HOXC5: variants seen among roughly 807,000 people sequenced by gnomAD.
The protein encoded by HOXC5 is homeobox C5.
In HOXC5, 19 loss-of-function variants were observed where a neutral mutation model predicts 20.1. The ratio of observed to expected loss-of-function variants is 0.94; its 90% CI spans 0.66 to 1.38. The LOEUF is 1.38. Among genes scored for constraint, HOXC5 ranks in the 40% most tolerant of loss-of-function variants. HOXC5 has a pLI of 0.00. For missense variants in HOXC5, 330 were observed against 300.1 expected, an observed-to-expected ratio of 1.10 and a Z score of -0.74; for synonymous variants, 124 against 117.0, an observed-to-expected ratio of 1.06 and a Z score of -0.39.
At position 54,033,098 on chromosome 12, in the gene HOXC5, G is replaced by A. The variant is rs764709425; in HGVS notation, c.-25G>A. 1.9e-6 allele frequency: 3 copies of A among 1,587,916 alleles called. No individual in the cohort carries two copies. The highest frequency in any genetic ancestry group is 2.2e-5 in the South Asian group (2 of 89,324). ...ATCACCCTTAATCAAAAAGGGTGCAGAAATTTTTTTGGGCCCTCCCCGCCA... is the reference window on the plus strand; with the variant it reads ...ATCACCCTTAATCAAAAAGGGTGCAAAAATTTTTTTGGGCCCTCCCCGCCA... On this transcript the variant is annotated 5_prime_UTR_variant, in exon 1 of 2. Coordinates refer to ENST00000312492, the MANE Select transcript of HOXC5 (RefSeq NM_018953.4).
upstream of HOXC5, chr12:54,028,707 G>A (rs1318210714): frequency 2.5e-6 from 4 of 1,614,074 alleles, no homozygotes; most frequent in Non-Finnish European, 3.4e-6. Flanking sequence ...AGAATGTCGT[G>A]TTCAGTTCCA....
At chr12:54,026,341 C>G in the HOXC5 span, among the ~76,000 whole-genome samples, 1 of 152,234 alleles carries the variant, frequency 6.6e-6, no homozygotes. Flanking sequence ...CTGTTGGAAA[C>G]CTCTGCTCAG....
chr12:54,033,458 T>A lies in HOXC5; in HGVS notation c.336T>A (p.Ala112=), dbSNP rs1387664064. The part of the protein sequence containing the change: ...KAARPALEER[A]KSSGEIKEEQ... ...CTCGCCCGGCGCTGGAGGAGCGAGC[T>A]AAGAGCAGTGGGGAGATCAAAGAGG... The change falls in exon 1 of 2, where the codon GCT becomes GCA. Residue 112 remains alanine (A), a synonymous_variant. Coordinates refer to ENST00000312492, the MANE Select transcript of HOXC5 (RefSeq NM_018953.4). The A allele has an allele frequency of 2.5e-6, 4 of 1,599,482 alleles. No individual in the cohort carries two copies. Among genetic ancestry groups the A allele is most frequent in the Non-Finnish European group, 3.4e-6 (4 of 1,174,766 alleles).
chr12:54,028,919 G>A (rs761958008), upstream of HOXC5: 3 of 1,606,722 alleles, frequency 1.9e-6, no homozygotes, highest in African/African-American at 1.3e-5. Context: ...AATTCGCACA[G>A]TGGTGAGTTT....
In HOXC5 at chr12:54,034,723, T is replaced by G; in HGVS notation, c.*231T>G. ...CTCCCCTCAGCTCGGCTCAGCTCGG[T>G]ACCCGGGGCCCAGGGCAAGCTCCGC... On this transcript the variant is annotated 3_prime_UTR_variant, in exon 2 of 2. Coordinates refer to ENST00000312492, the MANE Select transcript of HOXC5 (RefSeq NM_018953.4). 2 of 521,684 alleles carry G rather than the reference T, an allele frequency of 3.8e-6. No individual in the cohort carries two copies. Among genetic ancestry groups the G allele is most frequent in the Non-Finnish European group, 6.9e-6 (2 of 288,520 alleles). 32.3% of individuals were successfully genotyped at this position (521,684 alleles called of 1,614,324 possible). A position where few individuals can be genotyped will look rare whatever the true frequency, so the allele number is the denominator to read the frequency against.
At chr12:54,028,891 C>T (rs80157375), upstream of HOXC5, 40 of 1,612,454 alleles carry the variant, frequency 2.5e-5, no homozygotes, top group Non-Finnish European at 3.3e-5. Flanking sequence ...CCAGATTTAC[C>T]CCTGGATGCA....
Position 54,033,420 on chromosome 12 carries a change from A to C in HOXC5, c.298A>C (p.Ser100Arg), listed in dbSNP as rs778265820. ...GGCTCCTCTGAACCCCGGGATGTAC[A>C]GTCAGAAGGCGGCTCGCCCGGCGCT... ...EAAPLNPGMY[S>R]QKAARPALEE... The change falls in exon 1 of 2, where the codon AGT (serine) becomes CGT (arginine). Residue 100 changes from serine to arginine, a missense_variant. By Grantham distance (110) the Ser-to-Arg change is moderately radical. Transcript: ENST00000312492. 6.2e-7 allele frequency: 1 copy of C among 1,608,530 alleles called. No individual in the cohort carries two copies. The highest frequency in any genetic ancestry group is 1.1e-5 in the South Asian group (1 of 90,618).
the HOXC5 span, among the ~76,000 whole-genome samples, chr12:54,018,646 C>T: frequency 6.6e-6 from 1 of 152,238 alleles, no homozygotes; most frequent in African/African-American, 2.4e-5. Context: ...TGACCCCGCC[C>T]TGCTCCCCGG....
chr12:54,030,149 T>A, upstream of HOXC5: 1 of 564,652 alleles, frequency 1.8e-6, no homozygotes, highest in Non-Finnish European at 3.1e-6. Flanking sequence ...ACAACTCTCT[T>A]TCACCACGCG....
In HOXC5 at chr12:54,033,325, G is replaced by A. The variant is rs745582495; in HGVS notation, c.203G>A (p.Arg68Gln). Residue 68 changes from arginine (R) to glutamine (Q), a missense_variant, in exon 1 of 2, where the codon CGG becomes CAG. Physicochemically the swap from Arg to Gln is conservative, Grantham distance 43. Transcript: ENST00000312492. Reference protein sequence around the residue: ...LHGVDMAANPRAHPDRPACSA... With the variant: ...LHGVDMAANPQAHPDRPACSA... The stretch of plus-strand genomic sequence containing the variant: ...GGGGTAGACATGGCTGCCAACCCCC[G>A]GGCTCACCCCGACCGCCCCGCCTGC... The A allele has an allele frequency of 1.2e-6, 2 of 1,613,626 alleles. No individual in the cohort carries two copies. Among genetic ancestry groups the A allele is most frequent in the Non-Finnish European group, 8.5e-7 (1 of 1,179,838 alleles).
the HOXC5 span, chr12:54,022,383 C>T: frequency 1.3e-5 from 2 of 152,156 alleles, no homozygotes; most frequent in African/African-American, 4.8e-5. Flanking sequence ...TATATGTCTC[C>T]AATCCTGCCA....
chr12:54,022,831 T>G, the HOXC5 span, among the ~76,000 whole-genome samples: 1 of 152,168 alleles, frequency 6.6e-6, no homozygotes, highest in African/African-American at 2.4e-5. Context: ...ATAATTCTCA[T>G]GAACCTCTCA....
chr12:54,033,506 C>G lies in HOXC5; in HGVS notation c.384C>G (p.Pro128=). The G allele has an allele frequency of 6.3e-7, 1 of 1,588,294 alleles. No individual in the cohort carries two copies. Among genetic ancestry groups the G allele is most frequent in the Non-Finnish European group, 8.5e-7 (1 of 1,171,592 alleles). ...IKEEQAQTGQ[P]AGLSQPPAPP... ...AGGAGCAGGCGCAGACAGGGCAGCC[C>G]GCCGGACTGAGCCAGCCACCGGCCC... Residue 128 remains proline, a synonymous_variant, in exon 1 of 2, where the codon CCC becomes CCG. Transcript: ENST00000312492.
At chr12:54,029,393 C>T (rs1166664527), upstream of HOXC5, among the ~76,000 whole-genome samples, 3 of 138,772 alleles carry the variant, frequency 2.2e-5, no homozygotes, top group Non-Finnish European at 3.1e-5. Context: ...TTCTGTTTGC[C>T]TTTTGCCCCG....
At chr12:54,027,991 T>C in the HOXC5 span, among the ~76,000 whole-genome samples, 2 of 152,216 alleles carry the variant, frequency 1.3e-5, no homozygotes, top group African/African-American at 4.8e-5. Flanking sequence ...CTGCAGGATT[T>C]CTAGGGACCC....
chr12:54,029,941 AGAG>A (rs1565742570), upstream of HOXC5: 4 of 1,590,682 alleles, frequency 2.5e-6, no homozygotes, highest in Admixed American at 3.5e-5. Context: ...AAGAGACAGA[AGAG>A]GAGAAGCAGA....
chr12:54,019,466 C>A, the HOXC5 span, among the ~76,000 whole-genome samples: 1 of 152,174 alleles, frequency 6.6e-6, no homozygotes, highest in Non-Finnish European at 1.5e-5. Context: ...AAAAAGGGAG[C>A]CTTTCTCCTG....
At chr12:54,023,208 G>T in the HOXC5 span, among the ~76,000 whole-genome samples, 1 of 152,178 alleles carries the variant, frequency 6.6e-6, no homozygotes, top group Non-Finnish European at 1.5e-5. Context: ...AGCCAGAAAT[G>T]ATTTTTTCCA....
upstream of HOXC5, chr12:54,029,787 T>C (rs1940911121): frequency 6.2e-7 from 1 of 1,613,816 alleles, no homozygotes; most frequent in South Asian, 1.1e-5. Flanking sequence ...GCCAACGCGC[T>C]TTGCCTGACC....
Sources: allele counts gnomAD v4.1 joint callset (sites outside exome capture counted in the v4.1 genomes callset), GRCh38; gene constraint gnomAD v4.1.1; transcripts MANE v1.5; gene names NCBI Gene and HGNC (gene_info 2026-07-23, HGNC 2026-07-21).